Variants in TMC1 observed in about 807,000 individuals in gnomAD.
TMC1 encodes transmembrane channel like 1, also known as transmembrane channel-like protein 1.
Under a neutral mutation model 105.8 loss-of-function variants are expected in TMC1, and 84 were observed. That is an observed-to-expected ratio of 0.79 (90% confidence interval 0.67 to 0.95). The LOEUF is 0.95. Ranked by LOEUF, TMC1 falls within the 40% of genes least tolerant of loss-of-function variation. The pLI is 0.00. For missense variants in TMC1, 817 were observed against 914.1 expected (o/e 0.89, Z 1.37); for synonymous variants, 315 against 311.5 (o/e 1.01, Z -0.12).
chr9:72,822,513 G>GTT lies in TMC1; in HGVS notation c.2003+1433_2003+1434dup, dbSNP rs1272686598. Among the ~76,000 whole-genome samples the GTT allele has an allele frequency of 1.2e-4, 14 of 118,006 alleles. No homozygotes were observed. The East Asian group carries it at 3.0e-3, about 25-fold the overall frequency. The allele number at this position is 118,006 out of a possible 152,430, so 77.4% of individuals were successfully genotyped here. A position where few individuals can be genotyped will look rare whatever the true frequency, so the allele number is the denominator to read the frequency against. On this transcript the variant is annotated intron_variant, in intron 20 of 23. Transcript: ENST00000297784. ...GATGTTGAGAAGCTCTGTTAATTCC[G>GTT]TTGTGTGTGTGTGTGTGTGTGTGTG...
intron 12 of TMC1, among the ~76,000 whole-genome samples, chr9:72,768,721 G>A (rs1207540871): frequency 1.3e-5 from 2 of 152,116 alleles, no homozygotes; most frequent in Non-Finnish European, 2.9e-5. Flanking sequence ...TGGTACCTAT[G>A]CCAGATGAGC....
At chr9:72,654,106 G>A (rs1239604521) in intron 5 of TMC1, among the ~76,000 whole-genome samples, 1 of 152,166 alleles carries the variant, frequency 6.6e-6, no homozygotes, top group Non-Finnish European at 1.5e-5. Context: ...TTGAATAGAA[G>A]TCTGTTGTGA....
In TMC1 at chr9:72,735,401, G is replaced by C. The variant is rs1827281423; in HGVS notation, c.363-4718G>C. On this transcript the variant is annotated intron_variant, in intron 8 of 23. Transcript: ENST00000297784. ...TTCAGATAAATACAAATGAGTAGGAGAATGGATTAGCTGTAGAAAATCATA... is the reference window on the plus strand; with the variant it reads ...TTCAGATAAATACAAATGAGTAGGACAATGGATTAGCTGTAGAAAATCATA... Among the ~76,000 whole-genome samples, 3 of 152,174 alleles carry C rather than the reference G, an allele frequency of 2.0e-5. No homozygotes were observed. In the South Asian group the frequency reaches 6.2e-4, roughly 32 times the overall value.
At chr9:72,685,789 G>A (rs1352024649) in intron 5 of TMC1, among the ~76,000 whole-genome samples, 1 of 152,094 alleles carries the variant, frequency 6.6e-6, no homozygotes, top group Non-Finnish European at 1.5e-5. Flanking sequence ...ACAATAAATG[G>A]TAATTCAATA....
At chr9:72,698,025 T>G (rs2117856673) in intron 7 of TMC1, among the ~76,000 whole-genome samples, 1 of 151,996 alleles carries the variant, frequency 6.6e-6, no homozygotes, top group South Asian at 2.1e-4. Flanking sequence ...AACCCACATA[T>G]CATTCTAATT....
intron 10 of TMC1, among the ~76,000 whole-genome samples, chr9:72,749,291 T>G (rs72733059): frequency 0.017 from 2,545 of 152,264 alleles, 35 homozygotes; most frequent in Non-Finnish European, 0.025. Context: ...ATATGCGGGA[T>G]TTCATACTGG....
intron 5 of TMC1, among the ~76,000 whole-genome samples, chr9:72,675,485 G>A (rs768625019): frequency 1.3e-5 from 2 of 152,164 alleles, no homozygotes; most frequent in African/African-American, 4.8e-5. Flanking sequence ...GCACCTGCGT[G>A]TATTTGTTGC....
chr9:72,751,625 T>C (rs1827581129), intron 10 of TMC1, among the ~76,000 whole-genome samples: 1 of 152,250 alleles, frequency 6.6e-6, no homozygotes, highest in Admixed American at 6.5e-5. Context: ...TCTGCATAAC[T>C]GCATTCTACG....
chr9:72,590,480 A>C (rs1160823977), intron 2 of TMC1, among the ~76,000 whole-genome samples: 1 of 152,238 alleles, frequency 6.6e-6, no homozygotes, highest in Non-Finnish European at 1.5e-5. Context: ...TTCAAATTCC[A>C]GCCATACCAT....
intron 3 of TMC1, among the ~76,000 whole-genome samples, chr9:72,621,950 CAA>C (rs1268547826): frequency 6.6e-6 from 1 of 152,078 alleles, no homozygotes; most frequent in East Asian, 1.9e-4. Context: ...TTATCTATAA[CAA>C]TAAAAATTTG....
chr9:72,576,422 C>A (rs1824380415), intron 1 of TMC1, among the ~76,000 whole-genome samples: 1 of 151,616 alleles, frequency 6.6e-6, no homozygotes, highest in Non-Finnish European at 1.5e-5. Flanking sequence ...TCTTCTCTAT[C>A]TTCTCGAACC....
At chr9:72,550,490 C>T (rs1352710299) in intron 1 of TMC1, among the ~76,000 whole-genome samples, 1 of 151,094 alleles carries the variant, frequency 6.6e-6, no homozygotes, top group African/African-American at 2.4e-5. Flanking sequence ...AACCCCGTTT[C>T]TACTAAAAAT....
chr9:72,602,267 TAAGA>T (rs1824829689), intron 2 of TMC1, among the ~76,000 whole-genome samples: 1 of 151,424 alleles, frequency 6.6e-6, no homozygotes, highest in African/African-American at 2.4e-5. Context: ...CTTGAGAAAG[TAAGA>T]CAACACACTC....
intron 6 of TMC1, among the ~76,000 whole-genome samples, chr9:72,689,266 C>A (rs1663747): frequency 6.8e-6 from 1 of 147,148 alleles, no homozygotes; most frequent in Admixed American, 6.8e-5. Context: ...GGGGCAGGGA[C>A]CCTCTTTGGA....
chr9:72,788,494 C>G lies in TMC1; in HGVS notation c.1029+11C>G. On this transcript the variant is annotated intron_variant, in intron 14 of 23. Coordinates refer to ENST00000297784, the MANE Select transcript of TMC1 (RefSeq NM_138691.3). ...ACAATGAACTTTAAGGTAGAGGCAC[C>G]AACTTCAAAAACCTGCTGTTTGTAT... 3.7e-6 allele frequency: 6 copies of G among 1,613,830 alleles called. No individual in the cohort carries two copies. The highest frequency in any genetic ancestry group is 5.1e-6 in the Non-Finnish European group (6 of 1,179,758).
At chr9:72,612,299 T>C (rs1415115625) in intron 2 of TMC1, among the ~76,000 whole-genome samples, 1 of 152,104 alleles carries the variant, frequency 6.6e-6, no homozygotes, top group Non-Finnish European at 1.5e-5. Context: ...GCCTCTTGAG[T>C]AGCTGGGACT....
intron 1 of TMC1, among the ~76,000 whole-genome samples, chr9:72,538,023 G>C (rs1823611691): frequency 6.6e-6 from 1 of 152,038 alleles, no homozygotes; most frequent in Non-Finnish European, 1.5e-5. Flanking sequence ...GGGCATGGTG[G>C]AGCACACCTG....
intron 2 of TMC1, 165 bp from the exon 3 acceptor site, chr9:72,616,203 T>C (rs986005222): frequency 1.3e-5 from 2 of 152,218 alleles, no homozygotes; most frequent in Non-Finnish European, 2.9e-5. Flanking sequence ...AATGATTTAA[T>C]GCCGTCTCTT....
At chr9:72,701,122 G>C (rs924461347) in intron 8 of TMC1, among the ~76,000 whole-genome samples, 6 of 152,090 alleles carry the variant, frequency 3.9e-5, no homozygotes, top group Admixed American at 3.9e-4. Flanking sequence ...GTGCACTCTT[G>C]TTTCTCTTCA....
Sources: allele counts gnomAD v4.1 joint callset (sites outside exome capture counted in the v4.1 genomes callset), GRCh38; gene constraint gnomAD v4.1.1; transcripts MANE v1.5; gene names NCBI Gene and HGNC (gene_info 2026-07-23, HGNC 2026-07-21).